The following MGLL variants were observed in gnomAD, a reference collection of about 807,000 sequenced individuals.
MGLL encodes the protein monoglyceride lipase, also known as lysophospholipase homolog.
MGLL carries 7 observed loss-of-function variants against 29.1 expected under a neutral mutation model. The ratio of observed to expected loss-of-function variants is 0.24; its 90% CI spans 0.14 to 0.45. MGLL has a LOEUF of 0.45. MGLL is among the 20% of genes least tolerant of loss of function. The pLI is 0.99. For synonymous variants in MGLL, 148 were observed against 168.3 expected, an observed-to-expected ratio of 0.88 and a Z score of 0.93; for missense variants, 356 against 413.6, an observed-to-expected ratio of 0.86 and a Z score of 1.21.
intron 3 of MGLL, among the ~76,000 whole-genome samples, chr3:127,724,451 T>C (rs548802588): frequency 1.3e-5 from 2 of 152,382 alleles, no homozygotes; most frequent in African/African-American, 4.8e-5. Context: ...GTTGTGTTTA[T>C]CCATTTGTCT....
intron 3 of MGLL, among the ~76,000 whole-genome samples, chr3:127,777,893 G>A (rs2077062335): frequency 6.6e-6 from 1 of 152,256 alleles, no homozygotes. Context: ...AGTTGACACT[G>A]AATAAATGGC....
chr3:127,785,746 T>C (rs2077201375), intron 2 of MGLL, among the ~76,000 whole-genome samples: 1 of 152,250 alleles, frequency 6.6e-6, no homozygotes, highest in Non-Finnish European at 1.5e-5. Flanking sequence ...GTGAGCTTAT[T>C]ACGTGCCAGG....
intron 3 of MGLL, among the ~76,000 whole-genome samples, chr3:127,748,621 G>C (rs1298062382): frequency 6.6e-6 from 1 of 151,760 alleles, no homozygotes; most frequent in African/African-American, 2.4e-5. Flanking sequence ...GGAGGACCAT[G>C]TGAGGACACA....
Position 127,710,650 on chromosome 3 carries a change from CT to C in MGLL, c.525del (p.Val176CysfsTer34). 1 of 1,571,644 alleles carries C rather than the reference CT, an allele frequency of 6.4e-7. No homozygotes were observed. The highest frequency in any genetic ancestry group is 8.6e-7 in the Non-Finnish European group (1 of 1,157,486). ...SATTFKVLAA[K>X]VLNLVLPNLS... ...AAGTTTGGCAGCACAAGGTTGAGCA[CT>C]TTCGCAGCAAGGACCTAGCCGGGGA... On this transcript the variant is annotated frameshift_variant, in exon 6 of 8. Transcript: ENST00000265052. LOFTEE classifies it high-confidence loss of function.
chr3:127,718,049 T>C (rs2075849556), intron 5 of MGLL, among the ~76,000 whole-genome samples: 1 of 152,054 alleles, frequency 6.6e-6, no homozygotes, highest in South Asian at 2.1e-4. Context: ...CATTGTCTCA[T>C]CTCCAGGCTA....
chr3:127,706,100 C>T (rs2075597500), intron 6 of MGLL, among the ~76,000 whole-genome samples: 1 of 152,118 alleles, frequency 6.6e-6, no homozygotes, highest in African/African-American at 2.4e-5. Context: ...ACATACATAC[C>T]CAAAAGAATG....
At chr3:127,748,408 A>AAGAGAGAGAGAGAGAGAGAGGG (rs147251606) in intron 3 of MGLL, among the ~76,000 whole-genome samples, 27 of 137,728 alleles carry the variant, frequency 2.0e-4, no homozygotes, top group Non-Finnish European at 3.1e-4. Flanking sequence ...GAGAGAGAGA[A>AAGAGAGAGAGAGAGAGAGAGGG]AGAGAGAGAG....
chr3:127,698,052 C>T (rs1431589056), intron 6 of MGLL, among the ~76,000 whole-genome samples: 3 of 152,264 alleles, frequency 2.0e-5, no homozygotes, highest in African/African-American at 7.2e-5. Flanking sequence ...TTTAATTGCA[C>T]TGACGGCCCA....
At chr3:127,785,255 C>T (rs1490370376) in intron 2 of MGLL, among the ~76,000 whole-genome samples, 1 of 152,204 alleles carries the variant, frequency 6.6e-6, no homozygotes, top group East Asian at 1.9e-4. Flanking sequence ...TCTCTTCAGA[C>T]CTCTTCCCGG....
At chr3:127,721,774 G>A (rs1221780303) in intron 4 of MGLL, among the ~76,000 whole-genome samples, 1 of 152,118 alleles carries the variant, frequency 6.6e-6, no homozygotes, top group African/African-American at 2.4e-5. Context: ...TGACCATGGG[G>A]CAGGAGGCAA....
chr3:127,725,075 C>T (rs553715155), intron 3 of MGLL, among the ~76,000 whole-genome samples: 45 of 152,106 alleles, frequency 3.0e-4, no homozygotes, highest in African/African-American at 1.0e-3. Flanking sequence ...CTTTTCCCAC[C>T]TACATTCTCT....
chr3:127,759,026 G>A (rs1339833190), intron 3 of MGLL, among the ~76,000 whole-genome samples: 1 of 149,922 alleles, frequency 6.7e-6, no homozygotes, highest in African/African-American at 2.5e-5. Flanking sequence ...AGGTTCAAGT[G>A]ATTCTCCTGC....
At chr3:127,727,589 G>A (rs1416093529) in intron 3 of MGLL, among the ~76,000 whole-genome samples, 2 of 151,372 alleles carry the variant, frequency 1.3e-5, no homozygotes, top group East Asian at 1.9e-4. Context: ...GTGCACACCT[G>A]TAGTCCCAGC....
chr3:127,783,989 C>T lies in MGLL; in HGVS notation c.156-2094G>A, dbSNP rs188313390. On this transcript the variant is annotated intron_variant, in intron 2 of 7. Coordinates refer to ENST00000265052, the MANE Select transcript of MGLL (RefSeq NM_007283.7). ...TCAGGCTACTGTTAATGCAGACAGA[C>T]AGGTCGTTGAGCTGGATCATGCAAC... The T allele has an allele frequency of 2.5e-3, 379 of 152,370 alleles. 1 individual carries two copies. Among genetic ancestry groups the T allele is most frequent in the African/African-American group, 8.6e-3 (357 of 41,584 alleles). 9.4% of individuals were successfully genotyped at this position (152,370 alleles called of 1,614,324 possible). A position where few individuals can be genotyped will look rare whatever the true frequency, so the allele number is the denominator to read the frequency against.
intron 3 of MGLL, among the ~76,000 whole-genome samples, chr3:127,772,488 G>C (rs13066225): frequency 6.6e-6 from 1 of 152,082 alleles, no homozygotes; most frequent in Non-Finnish European, 1.5e-5. Flanking sequence ...GTGGAAGGAA[G>C]GTCACGTGAA....
chr3:127,773,130 T>C (rs1476169812), intron 3 of MGLL, among the ~76,000 whole-genome samples: 2 of 152,186 alleles, frequency 1.3e-5, no homozygotes, highest in Admixed American at 6.5e-5. Flanking sequence ...TGGAATGAGA[T>C]GTTTGAGGAA....
chr3:127,822,680 C>A, upstream of MGLL: 1 of 312,180 alleles, frequency 3.2e-6, no homozygotes, highest in Non-Finnish European at 5.9e-6. Flanking sequence ...CGCAGACGCA[C>A]AAATGCGGGT....
intron 2 of MGLL, among the ~76,000 whole-genome samples, chr3:127,803,934 C>A (rs1443288548): frequency 6.6e-6 from 1 of 152,158 alleles, no homozygotes; most frequent in Non-Finnish European, 1.5e-5. Context: ...CTTGAGTGTA[C>A]CCCAGTGCAG....
intron 3 of MGLL, among the ~76,000 whole-genome samples, chr3:127,757,868 A>ACG (rs1268284275): frequency 6.6e-6 from 1 of 152,178 alleles, no homozygotes; most frequent in Non-Finnish European, 1.5e-5. Flanking sequence ...CCGGGAAGAA[A>ACG]CGCACACTTG....
Sources: gnomAD v4.1 joint callset for allele counts (sites outside exome capture counted in the v4.1 genomes callset) on GRCh38, gnomAD v4.1.1 for gene constraint, MANE v1.5 for transcripts, NCBI Gene and HGNC (gene_info 2026-07-23, HGNC 2026-07-21) for gene names.